Variants in HECW1 observed in about 807,000 individuals in gnomAD.
HECW1 encodes the protein E3 ubiquitin-protein ligase HECW1.
A neutral mutation model predicts 182.3 loss-of-function variants in HECW1; 61 were observed. The observed-to-expected ratio is 0.33, with a 90% CI of 0.27 to 0.41. The LOEUF is 0.41. Among genes scored for constraint, HECW1 ranks in the 10% least tolerant of loss-of-function variants. HECW1 has a pLI of 1.00. For missense variants in HECW1, 1,739 were observed against 2,108.9 expected, an observed-to-expected ratio of 0.82 and a Z score of 3.44; for synonymous variants, 859 against 832.6, an observed-to-expected ratio of 1.03 and a Z score of -0.55.
intron 5 of HECW1, among the ~76,000 whole-genome samples, chr7:43,344,064 A>T (rs140290258): frequency 1.3e-5 from 2 of 151,474 alleles, no homozygotes; most frequent in South Asian, 2.1e-4. Flanking sequence ...TCTTTTGAGA[A>T]GTGTCTGTTC....
At chr7:43,213,477 G>T (rs1481484892) in intron 2 of HECW1, among the ~76,000 whole-genome samples, 1 of 127,632 alleles carries the variant, frequency 7.8e-6, no homozygotes, top group African/African-American at 3.0e-5. Context: ...ACGGAGTCTC[G>T]CTCTGTCGCC....
At chr7:43,554,006 G>C (rs2081937993) in intron 28 of HECW1, among the ~76,000 whole-genome samples, 2 of 152,170 alleles carry the variant, frequency 1.3e-5, no homozygotes, top group Admixed American at 1.3e-4. Context: ...ATCCAAGCAT[G>C]GTCTCCCCAG....
chr7:43,478,750 A>C (rs541196118), intron 16 of HECW1, among the ~76,000 whole-genome samples: 2 of 152,104 alleles, frequency 1.3e-5, no homozygotes, highest in Non-Finnish European at 2.9e-5. Context: ...TTATCTTTTT[A>C]AAGTTTTTTC....
rs1260850977 is a variant in HECW1 at position 43,488,430 on chromosome 7, GAAAGAGAAAGAAAGAA to G, written c.3235-3643_3235-3628del. 2.8e-3 allele frequency among the ~76,000 whole-genome samples: 240 copies of G among 86,672 alleles called. 1 individual carries two copies. The highest frequency in any genetic ancestry group is 4.1e-3 in the Non-Finnish European group (177 of 42,878). 56.9% of individuals were successfully genotyped at this position (86,672 alleles called of 152,430 possible). On this transcript the variant is annotated intron_variant, in intron 17 of 29. Transcript: ENST00000395891. ...AAAGAAAGAGAGAGAGAGAAAGAAA[GAAAGAGAAAGAAAGAA>G]AGAAAGAAAGAAAGAAAGAAAGAAA...
intron 6 of HECW1, among the ~76,000 whole-genome samples, chr7:43,366,304 A>C (rs1176067927): frequency 6.6e-6 from 1 of 152,156 alleles, no homozygotes; most frequent in Non-Finnish European, 1.5e-5. Context: ...TTCCTCCTCC[A>C]CATCAGTCTG....
intron 13 of HECW1, among the ~76,000 whole-genome samples, chr7:43,461,523 G>A (rs2077581697): frequency 6.6e-6 from 1 of 152,160 alleles, no homozygotes; most frequent in Non-Finnish European, 1.5e-5. Context: ...TTAGTCTTTG[G>A]CAGGCCCCGT....
intron 4 of HECW1, among the ~76,000 whole-genome samples, chr7:43,313,415 G>A (rs2330787): frequency 0.067 from 10,010 of 149,726 alleles, 1,023 homozygotes; most frequent in African/African-American, 0.22. Context: ...TCAGCTCACC[G>A]CAACCTCTGC....
intron 8 of HECW1, among the ~76,000 whole-genome samples, chr7:43,412,854 T>C (rs2075856878): frequency 2.0e-5 from 3 of 150,058 alleles, no homozygotes; most frequent in African/African-American, 7.4e-5. Context: ...AGTCTATCAT[T>C]GTTGGACATT....
chr7:43,276,552 C>G (rs1803181905), intron 3 of HECW1, among the ~76,000 whole-genome samples: 1 of 152,200 alleles, frequency 6.6e-6, no homozygotes. Flanking sequence ...TTTCCTGTGT[C>G]ATGTGGAATT....
intron 3 of HECW1, among the ~76,000 whole-genome samples, chr7:43,270,536 CCTG>C (rs960667395): frequency 9.2e-5 from 14 of 152,162 alleles, no homozygotes; most frequent in African/African-American, 3.4e-4. Context: ...CATTGTTACT[CCTG>C]CTGAATTCTA....
chr7:43,140,627 A>G (rs368260706), intron 2 of HECW1, among the ~76,000 whole-genome samples: 7 of 152,340 alleles, frequency 4.6e-5, no homozygotes, highest in East Asian at 1.9e-4. Context: ...ACGTGATTCA[A>G]TGATTCAATA....
intron 3 of HECW1, among the ~76,000 whole-genome samples, chr7:43,252,930 G>A (rs549164268): frequency 1.1e-4 from 17 of 152,310 alleles, no homozygotes; most frequent in African/African-American, 4.1e-4. Flanking sequence ...GTGGTTAAGA[G>A]CTGACACGGG....
rs1241917791 is a variant in HECW1, at chr7:43,360,989, C to T, written c.555+9C>T. ...AAAACTCGGCAGCTCCTGTAAGTCTCATTTCTCCGTCTTTGGTTAGACCTA... is the reference window on the plus strand; with the variant it reads ...AAAACTCGGCAGCTCCTGTAAGTCTTATTTCTCCGTCTTTGGTTAGACCTA... On this transcript the variant is annotated intron_variant, in intron 6 of 29. Coordinates refer to ENST00000395891, the MANE Select transcript of HECW1 (RefSeq NM_015052.5). 1 of 1,597,474 alleles carries T rather than the reference C, an allele frequency of 6.3e-7. No individual in the cohort carries two copies. Among genetic ancestry groups the T allele is most frequent in the Non-Finnish European group, 8.6e-7 (1 of 1,169,358 alleles).
intron 2 of HECW1, among the ~76,000 whole-genome samples, chr7:43,185,732 C>G (rs900181807): frequency 1.3e-5 from 2 of 152,160 alleles, no homozygotes; most frequent in African/African-American, 4.8e-5. Context: ...TCAGTACACA[C>G]AGAATAACTT....
At chr7:43,174,158 G>C (rs907279819) in intron 2 of HECW1, among the ~76,000 whole-genome samples, 1 of 152,112 alleles carries the variant, frequency 6.6e-6, no homozygotes, top group African/African-American at 2.4e-5. Flanking sequence ...AGTCTTGATA[G>C]GTGGAATTTC....
chr7:43,267,654 TC>T (rs1801943738), intron 3 of HECW1, among the ~76,000 whole-genome samples: 1 of 151,948 alleles, frequency 6.6e-6, no homozygotes, highest in Non-Finnish European at 1.5e-5. Flanking sequence ...GATAAATAAA[TC>T]TAAAAATATT....
intron 3 of HECW1, among the ~76,000 whole-genome samples, chr7:43,266,941 T>C (rs1400918148): frequency 6.6e-6 from 1 of 152,212 alleles, no homozygotes; most frequent in Non-Finnish European, 1.5e-5. Flanking sequence ...GATTATTCTG[T>C]ATTGATGAAG....
At chr7:43,380,594 C>A (rs940321358) in intron 6 of HECW1, among the ~76,000 whole-genome samples, 1 of 152,046 alleles carries the variant, frequency 6.6e-6, no homozygotes, top group African/African-American at 2.4e-5. Flanking sequence ...ATGGTGAGAT[C>A]TTGGCTCACT....
chr7:43,416,105 C>A (rs888304551), intron 8 of HECW1, among the ~76,000 whole-genome samples: 47 of 152,010 alleles, frequency 3.1e-4, no homozygotes, highest in African/African-American at 1.0e-3. Context: ...GAGAGATGCT[C>A]TGCGTTTTAG....
Sources: gnomAD v4.1 joint callset for allele counts (sites outside exome capture counted in the v4.1 genomes callset) on GRCh38, gnomAD v4.1.1 for gene constraint, MANE v1.5 for transcripts, NCBI Gene and HGNC (gene_info 2026-07-23, HGNC 2026-07-21) for gene names.